Variants in RPRD1B observed in about 807,000 individuals in gnomAD.
RPRD1B encodes regulation of nuclear pre-mRNA domain containing 1B, also known as regulation of nuclear pre-mRNA domain-containing protein 1B.
Under a neutral mutation model 41.5 loss-of-function variants are expected in RPRD1B, and 11 were observed. The observed-to-expected ratio is 0.27, with a 90% confidence interval of 0.17 to 0.44. The LOEUF (loss-of-function observed/expected upper bound fraction) is 0.44, where lower values mean the gene tolerates loss of function less well. RPRD1B is among the 20% of genes least tolerant of loss of function. RPRD1B has a pLI of 1.00. For missense variants in RPRD1B, 248 were observed against 389.9 expected (o/e 0.64, Z 3.06); for synonymous variants, 158 against 155.6 (o/e 1.02, Z -0.12).
chr20:38,048,491 TC>T lies in RPRD1B; in HGVS notation c.415+11del. The T allele has an allele frequency of 1.3e-6, 2 of 1,596,044 alleles. No homozygotes were observed. Among genetic ancestry groups the T allele is most frequent in the Non-Finnish European group, 1.7e-6 (2 of 1,166,768 alleles). ...AGCCCTCCCCCCAAAGGTAGAAACA[TC>T]ACCACATGTTTACAGCTCTTGGTCT... On this transcript the variant is annotated intron_variant, in intron 3 of 6. Coordinates refer to ENST00000373433, the MANE Select transcript of RPRD1B (RefSeq NM_021215.4).
chr20:38,055,493 T>C (rs1243926309), intron 3 of RPRD1B, among the ~76,000 whole-genome samples: 1 of 152,086 alleles, frequency 6.6e-6, no homozygotes, highest in African/African-American at 2.4e-5. Context: ...GACGTTGTCA[T>C]TCTTTTCATC....
chr20:38,064,946 A>G lies in RPRD1B; in HGVS notation c.656-1135A>G, dbSNP rs142325058. ...GCTTGCAGTGAGCCGAGATCATGCC[A>G]CTGCACTCCAGCCTGGGTCACAGAG... On this transcript the variant is annotated intron_variant, in intron 5 of 6. Coordinates refer to ENST00000373433, the MANE Select transcript of RPRD1B (RefSeq NM_021215.4). 8.3e-3 allele frequency among the ~76,000 whole-genome samples: 1,255 copies of G among 151,820 alleles called. 11 individuals are homozygous for G. The highest frequency in any genetic ancestry group is 0.025 in the African/African-American group (1,030 of 41,334).
At chr20:38,055,600 G>A (rs184111924) in intron 3 of RPRD1B, among the ~76,000 whole-genome samples, 6 of 152,194 alleles carry the variant, frequency 3.9e-5, no homozygotes, top group East Asian at 1.9e-4. Context: ...ATCCTGCAGC[G>A]TGCTCTTTCT....
intron 1 of RPRD1B, among the ~76,000 whole-genome samples, chr20:38,036,659 A>G (rs563077247): frequency 3.2e-4 from 48 of 152,350 alleles, no homozygotes; most frequent in African/African-American, 1.0e-3. Context: ...AAACAGCGCT[A>G]TCCAATACAA....
intron 2 of RPRD1B, among the ~76,000 whole-genome samples, chr20:38,047,187 C>CT (rs1398049072): frequency 6.6e-6 from 1 of 151,814 alleles, no homozygotes; most frequent in East Asian, 1.9e-4. Context: ...AATGTTTTTC[C>CT]TTTTTTTTCC....
chr20:38,063,151 A>G (rs2074317530), intron 5 of RPRD1B, among the ~76,000 whole-genome samples: 1 of 151,952 alleles, frequency 6.6e-6, no homozygotes, highest in Non-Finnish European at 1.5e-5. Context: ...CGTTCCTCCC[A>G]GATAGTTACA....
chr20:38,057,418 T>C, intron 3 of RPRD1B, 114 bp from the exon 4 acceptor site: 1 of 688,866 alleles, frequency 1.5e-6, no homozygotes, highest in South Asian at 1.6e-5. Context: ...ATTAAGCCAT[T>C]CTGAAAATGT....
Position 38,057,616 on chromosome 20 carries a change from C to T in RPRD1B, c.500C>T (p.Pro167Leu). 3 of 1,614,054 alleles carry T rather than the reference C, an allele frequency of 1.9e-6. No individual in the cohort carries two copies. Among genetic ancestry groups the T allele is most frequent in the Non-Finnish European group, 2.5e-6 (3 of 1,179,904 alleles). ...EDDDYPGSYS[P>L]QDPSAGPLLT... ...GACGACTACCCTGGCAGCTACTCTC[C>T]TCAGGATCCTTCTGCAGGACCCCTC... The change falls in exon 4 of 7, where the codon CCT becomes CTT. Residue 167 changes from proline to leucine, a missense_variant. Transcript: ENST00000373433.
chr20:38,065,296 C>G (rs890007573), intron 5 of RPRD1B, among the ~76,000 whole-genome samples: 1 of 152,056 alleles, frequency 6.6e-6, no homozygotes, highest in Admixed American at 6.6e-5. Context: ...AGTTTTTTTT[C>G]TGGCGGGGAG....
chr20:38,086,702 C>A (rs920015648), intron 6 of RPRD1B, among the ~76,000 whole-genome samples: 14 of 152,184 alleles, frequency 9.2e-5, no homozygotes, highest in African/African-American at 3.1e-4. Context: ...TCTAGTGATT[C>A]CTTCCTCTGA....
intron 1 of RPRD1B, among the ~76,000 whole-genome samples, chr20:38,036,551 C>T (rs898283196): frequency 2.6e-5 from 4 of 152,156 alleles, no homozygotes; most frequent in Non-Finnish European, 5.9e-5. Context: ...TGTTTATTTG[C>T]AACACCACAG....
chr20:38,065,267 A>T (rs1386795311), intron 5 of RPRD1B, among the ~76,000 whole-genome samples: 2 of 152,244 alleles, frequency 1.3e-5, no homozygotes, highest in African/African-American at 4.8e-5. Flanking sequence ...AGCTCACTGC[A>T]TATAGAAACC....
At chr20:38,048,594 G>A in intron 3 of RPRD1B, 113 bp downstream of exon 3, 3 of 1,479,518 alleles carry the variant, frequency 2.0e-6, no homozygotes, top group Non-Finnish European at 2.7e-6. Context: ...TGATTCTTCA[G>A]AGAGACAGAT....
intron 6 of RPRD1B, among the ~76,000 whole-genome samples, chr20:38,080,338 T>G (rs1789772370): frequency 1.3e-5 from 2 of 152,246 alleles, no homozygotes; most frequent in Non-Finnish European, 2.9e-5. Context: ...TTGGAGGTTT[T>G]ACATTAAGTC....
intron 5 of RPRD1B, among the ~76,000 whole-genome samples, chr20:38,060,955 T>C (rs1474734055): frequency 6.6e-6 from 1 of 152,202 alleles, no homozygotes; most frequent in Non-Finnish European, 1.5e-5. Context: ...TTAAAAATAC[T>C]TACTACTAAA....
At chr20:38,064,447 G>T (rs575359707) in intron 5 of RPRD1B, among the ~76,000 whole-genome samples, 223 of 152,314 alleles carry the variant, frequency 1.5e-3, no homozygotes, top group Non-Finnish European at 2.6e-3. Flanking sequence ...GGAATGTCAT[G>T]GAACTGTCCC....
chr20:38,068,797 G>A (rs1416844673), intron 6 of RPRD1B, among the ~76,000 whole-genome samples: 1 of 152,132 alleles, frequency 6.6e-6, no homozygotes, highest in East Asian at 1.9e-4. Flanking sequence ...CTATGGTGGT[G>A]GCCGAACTTG....
intron 6 of RPRD1B, among the ~76,000 whole-genome samples, chr20:38,082,339 T>C (rs2092906): frequency 0.27 from 40,595 of 152,108 alleles, 7,312 homozygotes; most frequent in African/African-American, 0.52. Context: ...TTTTCTAGTT[T>C]GTGTGCATAG....
chr20:38,070,923 G>A (rs916903638), intron 6 of RPRD1B, among the ~76,000 whole-genome samples: 5 of 152,032 alleles, frequency 3.3e-5, no homozygotes, highest in Admixed American at 1.3e-4. Context: ...GTAGAGATGG[G>A]GTTTTGCCAT....
Sources: allele counts gnomAD v4.1 joint callset (sites outside exome capture counted in the v4.1 genomes callset), GRCh38; gene constraint gnomAD v4.1.1; transcripts MANE v1.5; gene names NCBI Gene and HGNC (gene_info 2026-07-23, HGNC 2026-07-21).